The following FKBP14 variants were observed in gnomAD, a reference collection of about 807,000 sequenced individuals.
FKBP14 encodes peptidyl-prolyl cis-trans isomerase FKBP14.
FKBP14 carries 20 observed loss-of-function variants against 21.6 expected under a neutral mutation model. The observed-to-expected ratio is 0.92, with a 90% CI of 0.65 to 1.34. The LOEUF (loss-of-function observed/expected upper bound fraction) is 1.34, where lower values mean the gene tolerates loss of function less well. Ranked by LOEUF, FKBP14 falls within the 40% of genes most tolerant of loss-of-function variation. The pLI is 0.00. For synonymous variants in FKBP14, 79 were observed against 86.7 expected, an observed-to-expected ratio of 0.91 and a Z score of 0.49; for missense variants, 253 against 249.0, an observed-to-expected ratio of 1.02 and a Z score of -0.11.
intron 3 of FKBP14, 127 bp from the exon 4 acceptor site, chr7:30,015,020 C>A: frequency 2.1e-6 from 1 of 478,744 alleles, no homozygotes; most frequent in Non-Finnish European, 3.5e-6. Flanking sequence ...TTCTAAACAG[C>A]CATTTTATGA....
At chr7:30,024,432 G>C (rs376238669) in intron 1 of FKBP14, among the ~76,000 whole-genome samples, 1 of 152,144 alleles carries the variant, frequency 6.6e-6, no homozygotes, top group Non-Finnish European at 1.5e-5. Context: ...GCGGAGTCTC[G>C]CTCTGTTGCC....
rs954600164 is a variant in FKBP14 at position 30,026,657 on chromosome 7, C to T, written c.-149G>A. ...TTAGAAGACGTGGCACATTTACCACCAACTCTTTTCTCAAGGGTCACGAAC... is the reference window on the plus strand; with the variant it reads ...TTAGAAGACGTGGCACATTTACCACTAACTCTTTTCTCAAGGGTCACGAAC... On this transcript the variant is annotated 5_prime_UTR_variant, in exon 1 of 4. Coordinates refer to ENST00000222803, the MANE Select transcript of FKBP14 (RefSeq NM_017946.4). 1.5e-6 allele frequency: 1 copy of T among 652,206 alleles called. No homozygotes were observed. Among genetic ancestry groups the T allele is most frequent in the African/African-American group, 1.8e-5 (1 of 55,160 alleles). 40.4% of individuals were successfully genotyped at this position (652,206 alleles called of 1,614,324 possible).
Position 30,013,254 on chromosome 7 carries a change from CT to C in FKBP14, c.*1480del, listed in dbSNP as rs1198314359. 9.0e-3 allele frequency: 1,290 copies of C among 143,802 alleles called. 16 individuals are homozygous for C. The highest frequency in any genetic ancestry group is 0.027 in the African/African-American group (1,064 of 39,496). 8.9% of individuals were successfully genotyped at this position (143,802 alleles called of 1,614,324 possible). A position where few individuals can be genotyped will look rare whatever the true frequency, so the allele number is the denominator to read the frequency against. On this transcript the variant is annotated 3_prime_UTR_variant, in exon 4 of 4. Coordinates refer to ENST00000222803, the MANE Select transcript of FKBP14 (RefSeq NM_017946.4). ...AATAGTAGCTGCTGTAGGTCTGCTT[CT>C]TTTTTTTTTTTTGAGATGGAGTCTT...
Position 30,022,726 on chromosome 7 carries a change from A to C in FKBP14, c.288T>G (p.Cys96Trp). ...TGATGAGCTTTCTCTTCTCTCCTACACACATTCCTTTCAAGCCCTGGTCCC... is the reference window on the plus strand; with the variant it reads ...TGATGAGCTTTCTCTTCTCTCCTACCCACATTCCTTTCAAGCCCTGGTCCC... ...KGWDQGLKGM[C>W]VGEKRKLIIP... Residue 96 changes from cysteine to tryptophan, a missense_variant, in exon 2 of 4, where the codon TGT becomes TGG. By Grantham distance (215) the Cys-to-Trp change is radical. Coordinates refer to ENST00000222803, the MANE Select transcript of FKBP14 (RefSeq NM_017946.4). 1 of 1,614,178 alleles carries C rather than the reference A, an allele frequency of 6.2e-7. No homozygotes were observed.
rs1338932224 is a variant in FKBP14 at position 30,026,526 on chromosome 7, AG to A, written c.-19del. The stretch of plus-strand genomic sequence containing the variant: ...AGCCTCATGTTGCTGAAGCAAGGAA[AG>A]AAGTCCCTACAAAAGCAGCGAAAGG... On this transcript the variant is annotated 5_prime_UTR_variant, in exon 1 of 4. Transcript: ENST00000222803. 8.8e-6 allele frequency: 14 copies of A among 1,596,744 alleles called. No individual in the cohort carries two copies. The highest frequency in any genetic ancestry group is 7.1e-5 in the Admixed American group (4 of 56,324).
chr7:30,007,963 C>T (rs796808701), downstream of FKBP14, among the ~76,000 whole-genome samples: 9 of 152,210 alleles, frequency 5.9e-5, no homozygotes, highest in African/African-American at 2.2e-4. Flanking sequence ...GCAGGAGAAT[C>T]GCTTGAACCT....
downstream of FKBP14, among the ~76,000 whole-genome samples, chr7:30,009,742 C>T (rs932048198): frequency 2.6e-5 from 4 of 151,460 alleles, no homozygotes; most frequent in African/African-American, 9.7e-5. Context: ...GTAATCCCAG[C>T]CCTTTGGGAG....
downstream of FKBP14, among the ~76,000 whole-genome samples, chr7:30,006,421 C>T (rs1166433867): frequency 6.6e-6 from 1 of 151,834 alleles, no homozygotes; most frequent in East Asian, 1.9e-4. Flanking sequence ...GCCACCATGG[C>T]TGGCTAGAAG....
downstream of FKBP14, among the ~76,000 whole-genome samples, chr7:30,006,063 A>AC (rs1789607732): frequency 6.6e-6 from 1 of 151,678 alleles, no homozygotes; most frequent in Non-Finnish European, 1.5e-5. Flanking sequence ...TACATGACAT[A>AC]CACACACCAT....
At chr7:30,022,599 C>T in intron 2 of FKBP14, 66 bp downstream of exon 2, 2 of 1,504,168 alleles carry the variant, frequency 1.3e-6, no homozygotes, top group Non-Finnish European at 1.8e-6. Context: ...GTGACTCTAA[C>T]TTCTGTCTCC....
chr7:30,015,043 G>A (rs1221023794), intron 3 of FKBP14, 150 bp from the exon 4 acceptor site: 1 of 452,538 alleles, frequency 2.2e-6, no homozygotes, highest in Non-Finnish European at 3.7e-6. Flanking sequence ...TAGTTTTAAT[G>A]ATAATTAAAA....
At chr7:30,017,329 G>A (rs1789914991) in intron 3 of FKBP14, among the ~76,000 whole-genome samples, 1 of 152,168 alleles carries the variant, frequency 6.6e-6, no homozygotes, top group Non-Finnish European at 1.5e-5. Context: ...CCAGCACTTT[G>A]GGAGGCCAAG....
At chr7:30,025,184 C>T (rs1790142012) in intron 1 of FKBP14, among the ~76,000 whole-genome samples, 1 of 152,162 alleles carries the variant, frequency 6.6e-6, no homozygotes, top group Admixed American at 6.5e-5. Context: ...ATTCCCTCTA[C>T]CTACAACATC....
At chr7:30,024,822 T>C (rs1790130308) in intron 1 of FKBP14, among the ~76,000 whole-genome samples, 1 of 152,252 alleles carries the variant, frequency 6.6e-6, no homozygotes. Context: ...TAATATTCCA[T>C]GGCTACCACC....
chr7:30,014,690 C>T lies in FKBP14; in HGVS notation c.*45G>A. On this transcript the variant is annotated 3_prime_UTR_variant, in exon 4 of 4. Transcript: ENST00000222803. ...TAAAATGTTCTTTAAAGATGACTGC[C>T]CTCTCTTGAAAGATGAGTGCTATAT... is the stretch of plus-strand genomic sequence containing the variant. The T allele has an allele frequency of 8.4e-7, 1 of 1,197,304 alleles. No homozygotes were observed. The highest frequency in any genetic ancestry group is 1.1e-6 in the Non-Finnish European group (1 of 903,916). 74.2% of individuals were successfully genotyped at this position (1,197,304 alleles called of 1,614,324 possible).
intron 1 of FKBP14, among the ~76,000 whole-genome samples, chr7:30,024,656 A>C (rs1033719953): frequency 6.6e-6 from 1 of 152,174 alleles, no homozygotes; most frequent in African/African-American, 2.4e-5. Flanking sequence ...TCGGCCTCCC[A>C]AAGTGCTGGG....
At chr7:30,019,170 TTAA>T (rs747650469) in intron 2 of FKBP14, 47 bp from the exon 3 acceptor site, 8 of 1,541,308 alleles carry the variant, frequency 5.2e-6, no homozygotes, top group Non-Finnish European at 6.1e-6. Flanking sequence ...GCCAAAAGTT[TTAA>T]TAATAGAAAA....
intron 1 of FKBP14, chr7:30,025,632 T>C (rs1040486572): frequency 6.6e-6 from 1 of 152,232 alleles, no homozygotes; most frequent in Non-Finnish European, 1.5e-5. Context: ...ATCATTAGGC[T>C]GTAAACCATT....
At chr7:30,026,222 AC>A in intron 1 of FKBP14, 89 bp downstream of exon 1, 1 of 1,295,690 alleles carries the variant, frequency 7.7e-7, no homozygotes. Flanking sequence ...AAGAGGCAAA[AC>A]CAGGTACAGG....
Sources: allele counts gnomAD v4.1 joint callset (sites outside exome capture counted in the v4.1 genomes callset), GRCh38; gene constraint gnomAD v4.1.1; transcripts MANE v1.5; gene names NCBI Gene and HGNC (gene_info 2026-07-23, HGNC 2026-07-21).